Variants in CNGB3 observed in about 807,000 individuals in gnomAD.
CNGB3 encodes cyclic nucleotide gated channel subunit beta 3.
Under a neutral mutation model 92.8 loss-of-function variants are expected in CNGB3, and 86 were observed. The observed-to-expected ratio is 0.93, with a 90% CI of 0.78 to 1.11. The LOEUF is 1.11. CNGB3 is among the 50% of genes least tolerant of loss of function. The probability of loss-of-function intolerance (pLI) is 0.00; values close to 1 mark genes in which losing one functional copy is unlikely to be tolerated. For synonymous variants in CNGB3, 333 were observed against 332.7 expected, an observed-to-expected ratio of 1.00 and a Z score of -0.01; for missense variants, 1,026 against 956.8, an observed-to-expected ratio of 1.07 and a Z score of -0.95.
chr8:86,667,001 A>G lies in CNGB3; in HGVS notation c.776T>C (p.Ile259Thr), dbSNP rs36099871. The G allele has an allele frequency of 1.5e-5, 24 of 1,613,952 alleles. No individual in the cohort carries two copies. Among genetic ancestry groups the G allele is most frequent in the Admixed American group, 1.7e-5 (1 of 60,006 alleles). The change falls in exon 6 of 18, where the codon ATA (isoleucine) becomes ACA (threonine). Residue 259 changes from isoleucine to threonine, a missense_variant. Ile to Thr is a moderately conservative substitution (Grantham distance 89). Transcript: ENST00000320005. The stretch of plus-strand genomic sequence containing the variant: ...ATCATAAAGGTAGATGATATCACAT[A>G]TGATGTCCGCAATAAGCCAGTAGTG... ...NIHYWLIADI[I>T]CDIIYLYDML...
At chr8:86,660,119 C>T in intron 6 of CNGB3, 1 of 314,896 alleles carries the variant, frequency 3.2e-6, no homozygotes. Flanking sequence ...GGTCTTTGCA[C>T]ATATCCTCAG....
At chr8:86,739,032 A>G (rs1368070995) in intron 2 of CNGB3, among the ~76,000 whole-genome samples, 1 of 152,142 alleles carries the variant, frequency 6.6e-6, no homozygotes, top group Non-Finnish European at 1.5e-5. Flanking sequence ...AGGAGAGGAT[A>G]AGGAATTTAG....
chr8:86,645,000 G>A (rs1042099839), intron 8 of CNGB3, among the ~76,000 whole-genome samples: 4 of 151,076 alleles, frequency 2.6e-5, no homozygotes, highest in African/African-American at 9.7e-5. Flanking sequence ...GTAGAACTCT[G>A]TTTCCCAACA....
At chr8:86,739,997 T>A (rs10504827) in intron 1 of CNGB3, among the ~76,000 whole-genome samples, 31,195 of 152,164 alleles carry the variant, frequency 0.21, 3,935 homozygotes, top group South Asian at 0.39. Context: ...TCAATTGTGG[T>A]CTTTACTTGC....
At chr8:86,686,024 A>AT (rs1212616352) in intron 3 of CNGB3, among the ~76,000 whole-genome samples, 2 of 152,132 alleles carry the variant, frequency 1.3e-5, no homozygotes, top group African/African-American at 4.8e-5. Flanking sequence ...ATAATAAACC[A>AT]TGGGAAAACA....
intron 10 of CNGB3, among the ~76,000 whole-genome samples, chr8:86,640,662 T>C (rs557351159): frequency 4.6e-5 from 7 of 152,170 alleles, no homozygotes; most frequent in African/African-American, 1.7e-4. Context: ...GATTCTAGAA[T>C]TGCAAATAAA....
Position 86,632,786 on chromosome 8 carries a change from GA to G in CNGB3, c.1285del (p.Ser429LeufsTer9), listed in dbSNP as rs776896038. On this transcript the variant is annotated frameshift_variant, in exon 11 of 18. Coordinates refer to ENST00000320005, the MANE Select transcript of CNGB3 (RefSeq NM_019098.5). LOFTEE classifies it high-confidence loss of function. Reference protein sequence around the residue: ...EIVFQLLNFFSGVFVFSSLIG... With the variant: ...EIVFQLLNFFXGVFVFSSLIG... The stretch of plus-strand genomic sequence containing the variant: ...TAAACTGGAGAACACAAAAACTCCA[GA>G]AAAAAAATTCAAGAGTTGAAAAACA... The G allele has an allele frequency of 1.1e-5, 18 of 1,612,528 alleles. No individual in the cohort carries two copies. Among genetic ancestry groups the G allele is most frequent in the Non-Finnish European group, 1.4e-5 (16 of 1,179,600 alleles).
At chr8:86,723,564 G>A (rs1189753166) in intron 3 of CNGB3, among the ~76,000 whole-genome samples, 3 of 151,988 alleles carry the variant, frequency 2.0e-5, no homozygotes, top group African/African-American at 7.2e-5. Context: ...TTCTAGATAT[G>A]GTAACTGTTG....
intron 11 of CNGB3, among the ~76,000 whole-genome samples, chr8:86,631,321 C>T (rs1822956888): frequency 6.6e-6 from 1 of 152,136 alleles, no homozygotes; most frequent in South Asian, 2.1e-4. Context: ...GATAATTGAA[C>T]TGGTGCTAGA....
intron 8 of CNGB3, 32 bp from the exon 9 acceptor site, chr8:86,644,718 A>G (rs1823265176): frequency 2.2e-6 from 3 of 1,395,196 alleles, no homozygotes; most frequent in South Asian, 3.1e-5. Context: ...ATCCAAAAGC[A>G]TGTTAGTCTT....
At chr8:86,674,844 C>G (rs1823935052) in intron 3 of CNGB3, among the ~76,000 whole-genome samples, 1 of 152,090 alleles carries the variant, frequency 6.6e-6, no homozygotes, top group East Asian at 1.9e-4. Context: ...CCTTGACTTC[C>G]CTGGGCTCAA....
intron 3 of CNGB3, among the ~76,000 whole-genome samples, chr8:86,697,061 GA>G (rs375005920): frequency 3.5e-5 from 1 of 28,310 alleles, no homozygotes; most frequent in African/African-American, 2.9e-4. Context: ...AAAGAAGGAA[GA>G]GAAGACCACA....
Position 86,732,581 on chromosome 8 carries a change from G to C in CNGB3, c.212-5924C>G, listed in dbSNP as rs756310375. On this transcript the variant is annotated intron_variant, in intron 2 of 17. Coordinates refer to ENST00000320005, the MANE Select transcript of CNGB3 (RefSeq NM_019098.5). ...AAAGCCTCCCCTGAATGGCTTTTCA[G>C]CTCCAGTTATCCATAAGTTTTCTTA... 1.4e-3 allele frequency among the ~76,000 whole-genome samples: 216 copies of C among 152,176 alleles called. 1 individual carries two copies. Among genetic ancestry groups the C allele is most frequent in the Non-Finnish European group, 2.0e-3 (139 of 68,020 alleles).
chr8:86,602,493 G>T (rs1161034265), intron 15 of CNGB3, among the ~76,000 whole-genome samples: 1 of 152,150 alleles, frequency 6.6e-6, no homozygotes, highest in East Asian at 1.9e-4. Context: ...CTGTGACGTG[G>T]TATAAAGATC....
intron 3 of CNGB3, among the ~76,000 whole-genome samples, chr8:86,709,654 A>G (rs1824713482): frequency 6.6e-6 from 1 of 152,174 alleles, no homozygotes; most frequent in South Asian, 2.1e-4. Context: ...GTTTTACCGC[A>G]TTGTACAACA....
At chr8:86,707,370 A>G (rs1468339580) in intron 3 of CNGB3, among the ~76,000 whole-genome samples, 5 of 152,228 alleles carry the variant, frequency 3.3e-5, no homozygotes, top group Non-Finnish European at 7.3e-5. Context: ...AGGAAGACAA[A>G]GAGTGAAAGG....
chr8:86,659,266 G>A (rs916697393), intron 6 of CNGB3: 2 of 794,484 alleles, frequency 2.5e-6, no homozygotes, highest in East Asian at 2.4e-5. Context: ...TCCATCTGTA[G>A]CTGTTTCAGC....
chr8:86,657,427 A>G, intron 6 of CNGB3: 2 of 501,802 alleles, frequency 4.0e-6, no homozygotes, highest in Non-Finnish European at 8.1e-6. Context: ...CATGATAGAA[A>G]AATGGAATGC....
chr8:86,726,319 G>T lies in CNGB3; in HGVS notation c.338+212C>A, dbSNP rs191274474. ...TGGCCTATAGCCAAATGGCTGCCTAGGGATATTGGTTAGTGGCCATGCTGG... is the reference window on the plus strand; with the variant it reads ...TGGCCTATAGCCAAATGGCTGCCTATGGATATTGGTTAGTGGCCATGCTGG... On this transcript the variant is annotated intron_variant, in intron 3 of 17. Coordinates refer to ENST00000320005, the MANE Select transcript of CNGB3 (RefSeq NM_019098.5). 2.1e-4 allele frequency among the ~76,000 whole-genome samples: 32 copies of T among 152,256 alleles called. 1 individual carries two copies.
Sources: gnomAD v4.1 joint callset for allele counts (sites outside exome capture counted in the v4.1 genomes callset) on GRCh38, gnomAD v4.1.1 for gene constraint, MANE v1.5 for transcripts, NCBI Gene and HGNC (gene_info 2026-07-23, HGNC 2026-07-21) for gene names.